PHKA1: variants seen among roughly 807,000 people sequenced by gnomAD.
The protein encoded by PHKA1 is phosphorylase b kinase regulatory subunit alpha, skeletal muscle isoform.
Under a neutral mutation model 110.2 loss-of-function variants are expected in PHKA1, and 60 were observed. The observed-to-expected ratio is 0.54, with a 90% CI of 0.44 to 0.68. PHKA1 has a LOEUF of 0.68. Among genes scored for constraint, PHKA1 ranks in the 30% least tolerant of loss-of-function variants. The pLI is 0.00. For missense variants in PHKA1, 801 were observed against 942.5 expected (o/e 0.85, Z 1.97); for synonymous variants, 316 against 333.6 (o/e 0.95, Z 0.58).
intron 17 of PHKA1, among the ~76,000 whole-genome samples, chrX:72,625,088 CTTTA>C (rs781924311): frequency 1.6e-4 from 18 of 111,643 alleles, no homozygotes; most frequent in African/African-American, 3.9e-4. Context: ...TCTCCTTCTA[CTTTA>C]TTTATTTATT....
In PHKA1 at chrX:72,593,167, C is replaced by T; in HGVS notation, c.3180G>A (p.Leu1060=). 2 of 1,200,350 alleles carry T rather than the reference C, an allele frequency of 1.7e-6. No homozygotes were observed. Among genetic ancestry groups the T allele is most frequent in the Non-Finnish European group, 2.3e-6 (2 of 885,038 alleles). ...RQGQWQRRRR[L]DGALNRVPVG... ...CTGGAACTCTATTCAGTGCCCCATC[C>T]AGCCTTCTTCGGCGTTGCCATTGAC... is the stretch of plus-strand genomic sequence containing the variant. Residue 1060 remains leucine, a synonymous_variant, in exon 29 of 32, where the codon CTG becomes CTA. Transcript: ENST00000373542.
intron 10 of PHKA1, among the ~76,000 whole-genome samples, chrX:72,654,905 C>T (rs979635539): frequency 1.9e-5 from 2 of 105,295 alleles, no homozygotes; most frequent in Non-Finnish European, 3.9e-5. Flanking sequence ...TCACGCCATT[C>T]TCCTGCCTCA....
intron 13 of PHKA1, among the ~76,000 whole-genome samples, chrX:72,648,625 G>A (rs186929502): frequency 6.3e-5 from 7 of 111,248 alleles, no homozygotes; most frequent in African/African-American, 2.3e-4. Flanking sequence ...AATGCAGACT[G>A]TAACACTGAC....
chrX:72,598,574 A>G (rs892548349), intron 28 of PHKA1, among the ~76,000 whole-genome samples: 16 of 111,952 alleles, frequency 1.4e-4, no homozygotes, highest in Non-Finnish European at 1.9e-4. Context: ...AGAATTATTC[A>G]TAGCAGCCAA....
chrX:72,688,658 G>T, intron 4 of PHKA1, among the ~76,000 whole-genome samples: 1 of 111,928 alleles, frequency 8.9e-6, no homozygotes, highest in Non-Finnish European at 1.9e-5. Flanking sequence ...CTCCTATTTT[G>T]TGATTCACAG....
intron 3 of PHKA1, among the ~76,000 whole-genome samples, chrX:72,699,627 T>C (rs1242054820): frequency 1.8e-5 from 2 of 111,068 alleles, no homozygotes; most frequent in Non-Finnish European, 3.8e-5. Context: ...AAAAAATTTT[T>C]TTAAACTAAG....
intron 6 of PHKA1, 35 bp from the exon 7 acceptor site, chrX:72,667,508 C>T (rs376025142): frequency 1.9e-6 from 2 of 1,047,678 alleles, no homozygotes; most frequent in African/African-American, 3.7e-5. Context: ...ACAAGTTTAG[C>T]ATTAGAAAGA....
intron 4 of PHKA1, among the ~76,000 whole-genome samples, chrX:72,693,363 A>G (rs1000908206): frequency 8.9e-6 from 1 of 111,985 alleles, no homozygotes; most frequent in Non-Finnish European, 1.9e-5. Context: ...GATTGCCTTT[A>G]GGCTTTAACT....
intron 21 of PHKA1, 125 bp downstream of exon 21, chrX:72,618,585 T>TG: frequency 3.6e-6 from 2 of 553,312 alleles, no homozygotes; most frequent in Non-Finnish European, 6.2e-6. Flanking sequence ...AGTCACATGA[T>TG]GGATAGGTTG....
At chrX:72,676,247 G>T in intron 5 of PHKA1, 97 bp from the exon 6 acceptor site, 1 of 569,442 alleles carries the variant, frequency 1.8e-6, no homozygotes, top group Non-Finnish European at 2.9e-6. Context: ...GACACTAGGA[G>T]TAACTAATTT....
At chrX:72,623,483 T>C (rs1785550129) in intron 17 of PHKA1, among the ~76,000 whole-genome samples, 1 of 111,175 alleles carries the variant, frequency 9.0e-6, no homozygotes, top group Non-Finnish European at 1.9e-5. Flanking sequence ...TTAATAAAGG[T>C]TACAATTATG....
intron 27 of PHKA1, 25 bp from the exon 28 acceptor site, chrX:72,602,054 A>G: frequency 8.5e-7 from 1 of 1,170,587 alleles, no homozygotes; most frequent in African/African-American, 1.8e-5. Context: ...GCTCAAATTA[A>G]ACTCAGAATG....
At chrX:72,707,117 A>G (rs1556332819) in intron 2 of PHKA1, among the ~76,000 whole-genome samples, 18 of 111,566 alleles carry the variant, frequency 1.6e-4, no homozygotes, top group Non-Finnish European at 1.9e-5. Flanking sequence ...AAATCAATAT[A>G]TATCTGTGAA....
chrX:72,590,431 G>A (rs782143174), intron 29 of PHKA1, among the ~76,000 whole-genome samples: 2 of 111,704 alleles, frequency 1.8e-5, no homozygotes, highest in Non-Finnish European at 3.8e-5. Context: ...AATTCAAGAT[G>A]GATTAAAGAC....
chrX:72,584,443 C>T, intron 29 of PHKA1, 141 bp from the exon 30 acceptor site: 1 of 583,803 alleles, frequency 1.7e-6, no homozygotes, highest in South Asian at 2.6e-5. Context: ...TAGCAAGGGG[C>T]TCTGCAGTCC....
intron 25 of PHKA1, 50 bp downstream of exon 25, chrX:72,605,221 A>C: frequency 9.2e-7 from 1 of 1,091,709 alleles, no homozygotes; most frequent in Non-Finnish European, 1.3e-6. Flanking sequence ...AAACTCTATA[A>C]ACTTACATCA....
chrX:72,619,419 T>C, intron 19 of PHKA1, 114 bp from the exon 20 acceptor site: 1 of 490,773 alleles, frequency 2.0e-6, no homozygotes, highest in Middle Eastern at 4.7e-4. Context: ...AGAACAAGAA[T>C]GACAAATTTC....
intron 16 of PHKA1, among the ~76,000 whole-genome samples, chrX:72,629,560 T>C (rs1358012027): frequency 8.9e-6 from 1 of 112,234 alleles, no homozygotes; most frequent in Non-Finnish European, 1.9e-5. Context: ...TTACATGGTA[T>C]ATCTTTTTCC....
At chrX:72,617,265 G>GA (rs2052911777) in intron 21 of PHKA1, among the ~76,000 whole-genome samples, 2 of 110,426 alleles carry the variant, frequency 1.8e-5, no homozygotes, top group Non-Finnish European at 3.8e-5. Flanking sequence ...GCTAGACAAA[G>GA]AAAAAAAGAA....
Sources: allele counts gnomAD v4.1 joint callset (sites outside exome capture counted in the v4.1 genomes callset), GRCh38; gene constraint gnomAD v4.1.1; transcripts MANE v1.5; gene names NCBI Gene and HGNC (gene_info 2026-07-23, HGNC 2026-07-21).